DLC1: variants seen among roughly 807,000 people sequenced by gnomAD.
DLC1 encodes the protein rho GTPase-activating protein 7.
Under a neutral mutation model 140.3 loss-of-function variants are expected in DLC1, and 54 were observed. That is an observed-to-expected ratio of 0.38 (90% CI 0.31 to 0.48). DLC1 has a LOEUF of 0.48. DLC1 is among the 20% of genes least tolerant of loss of function. The pLI is 0.96. For missense variants in DLC1, 2,536 were observed against 1,907.0 expected, an observed-to-expected ratio of 1.33 and a Z score of -6.14; for synonymous variants, 986 against 728.1, an observed-to-expected ratio of 1.35 and a Z score of -5.70.
chr8:13,191,734 C>G (rs1014993332), intron 5 of DLC1, among the ~76,000 whole-genome samples: 1 of 152,058 alleles, frequency 6.6e-6, no homozygotes, highest in African/African-American at 2.4e-5. Flanking sequence ...ACCTAGGATT[C>G]TGTTTTTCCT....
intron 5 of DLC1, among the ~76,000 whole-genome samples, chr8:13,152,771 C>G (rs1295066055): frequency 1.5e-5 from 2 of 132,838 alleles, no homozygotes; most frequent in African/African-American, 2.8e-5. Context: ...AAACCATGAT[C>G]TTGCCACTGC....
At chr8:13,511,374 T>TAC (rs1386104193) in intron 1 of DLC1, among the ~76,000 whole-genome samples, 6 of 152,132 alleles carry the variant, frequency 3.9e-5, no homozygotes, top group Non-Finnish European at 5.9e-5. Context: ...TTCATTTATA[T>TAC]ACTCTAATCC....
intron 2 of DLC1, among the ~76,000 whole-genome samples, chr8:13,480,728 A>G (rs28634679): frequency 0.023 from 3,506 of 152,168 alleles, 150 homozygotes; most frequent in African/African-American, 0.08. Context: ...ACAGGGTGAA[A>G]CCCAATTTCT....
chr8:13,250,670 G>A (rs878475), intron 5 of DLC1, among the ~76,000 whole-genome samples: 35,499 of 151,968 alleles, frequency 0.23, 4,301 homozygotes, highest in South Asian at 0.34. Flanking sequence ...TGCTGTGTAA[G>A]TCTACTGGGG....
At chr8:13,581,843 T>G (rs1361012906) in intron 1 of DLC1, among the ~76,000 whole-genome samples, 2 of 152,178 alleles carry the variant, frequency 1.3e-5, no homozygotes, top group South Asian at 4.1e-4. Context: ...CTCTTCATGT[T>G]TTCGGTTTTG....
In DLC1 at chr8:13,084,812, T is replaced by C. The variant is rs1817420718; in HGVS notation, c.*999A>G. On this transcript the variant is annotated 3_prime_UTR_variant, in exon 18 of 18. Coordinates refer to ENST00000276297, the MANE Select transcript of DLC1 (RefSeq NM_182643.3). The stretch of plus-strand genomic sequence containing the variant: ...TTTCCTTGGGACACACATAGTTTCC[T>C]ATATTCCCAAACATAGTGTCTTAAG... 1 of 152,222 alleles carries C rather than the reference T, an allele frequency of 6.6e-6. No homozygotes were observed. Among genetic ancestry groups the C allele is most frequent in the Admixed American group, 6.5e-5 (1 of 15,284 alleles). The allele number at this position is 152,222 out of a possible 1,614,324, so 9.4% of individuals were successfully genotyped here.
intron 5 of DLC1, among the ~76,000 whole-genome samples, chr8:13,232,173 C>G (rs1411925968): frequency 6.6e-6 from 1 of 152,094 alleles, no homozygotes; most frequent in Non-Finnish European, 1.5e-5. Flanking sequence ...AGGGAATGAT[C>G]AGGCTTGAAG....
intron 2 of DLC1, among the ~76,000 whole-genome samples, chr8:13,444,871 C>CA (rs147901738): frequency 0.027 from 4,104 of 151,944 alleles, 185 homozygotes; most frequent in African/African-American, 0.094. Context: ...ACAAATTACA[C>CA]AAAAAAGTGT....
intron 2 of DLC1, among the ~76,000 whole-genome samples, chr8:13,491,886 G>T (rs547936174): frequency 6.6e-6 from 1 of 152,292 alleles, no homozygotes; most frequent in East Asian, 1.9e-4. Context: ...TTACCACAAC[G>T]AAGACATGCA....
At chr8:13,258,863 C>T (rs553098877) in intron 5 of DLC1, among the ~76,000 whole-genome samples, 2 of 152,190 alleles carry the variant, frequency 1.3e-5, no homozygotes, top group East Asian at 1.9e-4. Context: ...TTAGGCCGGG[C>T]GCGGTGGCTC....
intron 1 of DLC1, among the ~76,000 whole-genome samples, chr8:13,521,099 C>G (rs1802752110): frequency 6.6e-6 from 1 of 152,096 alleles, no homozygotes; most frequent in South Asian, 2.1e-4. Context: ...ATGTCCATTG[C>G]AGGGACATGG....
chr8:13,408,881 A>G lies in DLC1; in HGVS notation c.1024-7262T>C, dbSNP rs1194773419. Among the ~76,000 whole-genome samples, 3 of 152,222 alleles carry G rather than the reference A, an allele frequency of 2.0e-5. No homozygotes were observed. In the East Asian group the frequency reaches 5.8e-4, roughly 29 times the overall value. On this transcript the variant is annotated intron_variant, in intron 2 of 17. Coordinates refer to ENST00000276297, the MANE Select transcript of DLC1 (RefSeq NM_182643.3). Reference sequence around the variant, plus strand: ...AGACTTTTCTTGGTTTGAAAACATAAGAAAAATATCTATTTAACACTGAAA... The same window carrying G: ...AGACTTTTCTTGGTTTGAAAACATAGGAAAAATATCTATTTAACACTGAAA...
chr8:13,293,234 A>G (rs377604811), intron 5 of DLC1, among the ~76,000 whole-genome samples: 31 of 152,358 alleles, frequency 2.0e-4, no homozygotes, highest in African/African-American at 7.0e-4. Flanking sequence ...TGTCTCTAAA[A>G]CAATAAATTA....
upstream of DLC1, among the ~76,000 whole-genome samples, chr8:13,515,225 G>A (rs1470562903): frequency 6.6e-6 from 1 of 152,176 alleles, no homozygotes; most frequent in Non-Finnish European, 1.5e-5. Context: ...GATCTTTTAA[G>A]AGAGCAAGAT....
intron 5 of DLC1, among the ~76,000 whole-genome samples, chr8:13,205,937 C>T (rs1017783050): frequency 5.3e-5 from 8 of 152,162 alleles, no homozygotes; most frequent in Non-Finnish European, 7.3e-5. Context: ...GACAAAATTT[C>T]TGCCTCCACC....
chr8:13,245,784 T>C (rs1222350383), intron 5 of DLC1, among the ~76,000 whole-genome samples: 1 of 152,158 alleles, frequency 6.6e-6, no homozygotes, highest in African/African-American at 2.4e-5. Context: ...CACTACAACC[T>C]CAGCTCCCTG....
intron 4 of DLC1, among the ~76,000 whole-genome samples, chr8:13,377,365 C>G (rs1245583985): frequency 3.3e-5 from 5 of 152,104 alleles, no homozygotes; most frequent in Non-Finnish European, 7.4e-5. Flanking sequence ...AAGATGGTCA[C>G]AAATATGAAC....
At chr8:13,236,885 G>T (rs1348506515) in intron 5 of DLC1, among the ~76,000 whole-genome samples, 1 of 152,000 alleles carries the variant, frequency 6.6e-6, no homozygotes, top group Non-Finnish European at 1.5e-5. Flanking sequence ...CTGGCTTCCA[G>T]GAATCTGGAG....
intron 2 of DLC1, among the ~76,000 whole-genome samples, chr8:13,450,452 C>CAAAAA (rs759911909): frequency 0.019 from 1,022 of 53,006 alleles, 67 homozygotes; most frequent in Middle Eastern, 0.045. Context: ...GAGACTGTCT[C>CAAAAA]AAAAAAAAAA....
Sources: gnomAD v4.1 joint callset for allele counts (sites outside exome capture counted in the v4.1 genomes callset) on GRCh38, gnomAD v4.1.1 for gene constraint, MANE v1.5 for transcripts, NCBI Gene and HGNC (gene_info 2026-07-23, HGNC 2026-07-21) for gene names.